Variants in PDZRN4 observed in about 807,000 individuals in gnomAD.
PDZRN4 encodes the protein PDZ domain-containing RING finger protein 4.
PDZRN4 carries 70 observed loss-of-function variants against 99.0 expected under a neutral mutation model. That is an observed-to-expected ratio of 0.71 (90% CI 0.58 to 0.86). The LOEUF is 0.86. Among genes scored for constraint, PDZRN4 ranks in the 40% least tolerant of loss-of-function variants. The pLI is 0.00. For missense variants in PDZRN4, 1,474 were observed against 1,331.2 expected, an observed-to-expected ratio of 1.11 and a Z score of -1.67; for synonymous variants, 551 against 501.6, an observed-to-expected ratio of 1.10 and a Z score of -1.32.
intron 3 of PDZRN4, among the ~76,000 whole-genome samples, chr12:41,277,475 A>G (rs538481681): frequency 1.3e-5 from 2 of 152,272 alleles, no homozygotes; most frequent in South Asian, 4.1e-4. Flanking sequence ...AGCGTTGTGA[A>G]CTCAGTTTAT....
chr12:41,251,344 C>A (rs927755105), intron 3 of PDZRN4, among the ~76,000 whole-genome samples: 1 of 152,092 alleles, frequency 6.6e-6, no homozygotes, highest in Non-Finnish European at 1.5e-5. Flanking sequence ...TGGGCTTCAT[C>A]TTCAACATAT....
intron 5 of PDZRN4, among the ~76,000 whole-genome samples, chr12:41,534,393 G>T (rs2120748404): frequency 6.6e-6 from 1 of 152,068 alleles, no homozygotes; most frequent in Non-Finnish European, 1.5e-5. Flanking sequence ...CCAATACCTA[G>T]GTATTAAGCC....
At chr12:41,501,809 G>A (rs1938115640) in intron 3 of PDZRN4, among the ~76,000 whole-genome samples, 1 of 152,090 alleles carries the variant, frequency 6.6e-6, no homozygotes, top group South Asian at 2.1e-4. Flanking sequence ...GTGCTGATCT[G>A]AATTGATAAG....
intron 7 of PDZRN4, among the ~76,000 whole-genome samples, chr12:41,556,012 C>T (rs930428537): frequency 1.3e-5 from 2 of 152,126 alleles, no homozygotes; most frequent in African/African-American, 2.4e-5. Flanking sequence ...TCCAGCTTCA[C>T]CATTTGCTTG....
intron 3 of PDZRN4, among the ~76,000 whole-genome samples, chr12:41,352,820 A>G (rs1364132959): frequency 3.9e-5 from 6 of 152,178 alleles, no homozygotes; most frequent in Non-Finnish European, 8.8e-5. Flanking sequence ...ATTATAGCAC[A>G]TAGTCTTTAT....
chr12:41,558,845 T>C (rs1939215010), intron 7 of PDZRN4, among the ~76,000 whole-genome samples: 2 of 152,156 alleles, frequency 1.3e-5, no homozygotes, highest in Non-Finnish European at 2.9e-5. Context: ...TTATATTAAG[T>C]AAAACTCTGA....
In PDZRN4 at chr12:41,393,291, T is replaced by A. The variant is rs534092451; in HGVS notation, c.844-113165T>A. 1.1e-4 allele frequency among the ~76,000 whole-genome samples: 16 copies of A among 152,316 alleles called. No individual in the cohort carries two copies. In the South Asian group the frequency reaches 3.3e-3, roughly 32 times the overall value. ...ATAATTAGTCTGAGGCTAATAAATA[T>A]TTGCTGGGTAAATGCACGAACATAT... On this transcript the variant is annotated intron_variant, in intron 3 of 9. Transcript: ENST00000402685.
chr12:41,487,365 C>T (rs1937797668), intron 3 of PDZRN4, among the ~76,000 whole-genome samples: 1 of 152,046 alleles, frequency 6.6e-6, no homozygotes, highest in Non-Finnish European at 1.5e-5. Flanking sequence ...ATTCCCAGTG[C>T]TTTGACAGGA....
intron 3 of PDZRN4, among the ~76,000 whole-genome samples, chr12:41,241,906 G>C (rs1468642068): frequency 6.6e-6 from 1 of 152,138 alleles, no homozygotes; most frequent in Non-Finnish European, 1.5e-5. Context: ...TATAGCTTTG[G>C]TCTAAGATGA....
chr12:41,271,810 T>G (rs925323969), intron 3 of PDZRN4, among the ~76,000 whole-genome samples: 1 of 152,110 alleles, frequency 6.6e-6, no homozygotes, highest in Non-Finnish European at 1.5e-5. Context: ...CTTCATTCTA[T>G]TACAATTGCA....
chr12:41,241,039 C>T (rs1303860201), intron 3 of PDZRN4, among the ~76,000 whole-genome samples: 1 of 152,086 alleles, frequency 6.6e-6, no homozygotes, highest in Non-Finnish European at 1.5e-5. Context: ...CCTCCCAACC[C>T]CCAGCTCTTT....
chr12:41,288,791 A>G (rs752360307), intron 3 of PDZRN4, among the ~76,000 whole-genome samples: 19 of 152,086 alleles, frequency 1.2e-4, no homozygotes, highest in Non-Finnish European at 1.8e-4. Context: ...AGCGAATTTA[A>G]ATTGATTGTG....
At chr12:41,322,393 G>T (rs1310596183) in intron 3 of PDZRN4, among the ~76,000 whole-genome samples, 1 of 151,058 alleles carries the variant, frequency 6.6e-6, no homozygotes, top group African/African-American at 2.4e-5. Context: ...TACTGGGAAA[G>T]TACTCCAAAC....
At chr12:41,569,537 G>A (rs540604578) in intron 9 of PDZRN4, among the ~76,000 whole-genome samples, 10 of 152,284 alleles carry the variant, frequency 6.6e-5, no homozygotes, top group Admixed American at 5.2e-4. Context: ...TTGCAGGCAT[G>A]AGCCACTGCA....
intron 7 of PDZRN4, among the ~76,000 whole-genome samples, chr12:41,558,279 A>G (rs1201583944): frequency 2.6e-5 from 4 of 152,150 alleles, no homozygotes; most frequent in Non-Finnish European, 5.9e-5. Context: ...AGTCTGGAAG[A>G]TCTGTGCCCC....
chr12:41,428,076 A>G (rs1682320953), intron 3 of PDZRN4, among the ~76,000 whole-genome samples: 1 of 152,202 alleles, frequency 6.6e-6, no homozygotes, highest in Non-Finnish European at 1.5e-5. Flanking sequence ...CAATAGAGTG[A>G]GACTCCATCT....
chr12:41,292,291 A>G (rs1951461457), intron 3 of PDZRN4, among the ~76,000 whole-genome samples: 1 of 152,170 alleles, frequency 6.6e-6, no homozygotes, highest in East Asian at 1.9e-4. Flanking sequence ...GAAAGGGGAG[A>G]ATACCGTTCC....
At chr12:41,194,058 T>C (rs904153329) in intron 2 of PDZRN4, 23 bp from the exon 3 acceptor site, 2 of 1,075,148 alleles carry the variant, frequency 1.9e-6, no homozygotes, top group African/African-American at 3.1e-5. Flanking sequence ...ATCTTTCTTC[T>C]GCTAATGATT....
chr12:41,489,161 C>T (rs1462387762), intron 3 of PDZRN4, among the ~76,000 whole-genome samples: 2 of 152,154 alleles, frequency 1.3e-5, no homozygotes, highest in South Asian at 4.1e-4. Context: ...AATTCTTCTT[C>T]TCCCAATGTA....
Sources: gnomAD v4.1 joint callset for allele counts (sites outside exome capture counted in the v4.1 genomes callset) on GRCh38, gnomAD v4.1.1 for gene constraint, MANE v1.5 for transcripts, NCBI Gene and HGNC (gene_info 2026-07-23, HGNC 2026-07-21) for gene names.